PARD3: variants seen among roughly 807,000 people sequenced by gnomAD.
PARD3 encodes the protein par-3 family cell polarity regulator.
In PARD3, 75 loss-of-function variants were observed where a neutral mutation model predicts 155.4. The observed-to-expected ratio is 0.48, with a 90% CI of 0.40 to 0.58. The LOEUF is 0.58. Ranked by LOEUF, PARD3 falls within the 20% of genes least tolerant of loss-of-function variation. PARD3 has a pLI of 0.00. For synonymous variants in PARD3, 576 were observed against 610.5 expected (o/e 0.94, Z 0.83); for missense variants, 1,642 against 1,721.7 (o/e 0.95, Z 0.82).
intron 20 of PARD3, among the ~76,000 whole-genome samples, chr10:34,316,004 C>T (rs1443053458): frequency 2.6e-5 from 4 of 152,188 alleles, no homozygotes; most frequent in African/African-American, 9.7e-5. Context: ...GCCATGGTTC[C>T]TCGACTTTCC....
At chr10:34,751,444 G>A (rs1836020444) in intron 1 of PARD3, among the ~76,000 whole-genome samples, 2 of 152,160 alleles carry the variant, frequency 1.3e-5, no homozygotes, top group African/African-American at 4.8e-5. Flanking sequence ...ATCTATTGCA[G>A]GAGCTGGCAC....
chr10:34,550,961 T>G (rs1179836910), intron 2 of PARD3, among the ~76,000 whole-genome samples: 1 of 152,212 alleles, frequency 6.6e-6, no homozygotes, highest in Non-Finnish European at 1.5e-5. Context: ...GAACTCCACT[T>G]ACGCAGGTCA....
At chr10:34,452,744 C>T (rs1357184492) in intron 4 of PARD3, among the ~76,000 whole-genome samples, 1 of 152,132 alleles carries the variant, frequency 6.6e-6, no homozygotes. Context: ...GTCACGAAAA[C>T]GAAACTGTTT....
intron 1 of PARD3, among the ~76,000 whole-genome samples, chr10:34,792,938 T>C (rs1841843811): frequency 6.6e-6 from 1 of 152,246 alleles, no homozygotes; most frequent in Admixed American, 6.5e-5. Flanking sequence ...TGTACAGTGA[T>C]TCTTTATATA....
At chr10:34,336,060 A>G (rs1836145458) in intron 18 of PARD3, 139 bp downstream of exon 18, 3 of 600,424 alleles carry the variant, frequency 5.0e-6, no homozygotes, top group Admixed American at 3.1e-5. Context: ...TTCTTATGTA[A>G]TTCAATTTCT....
chr10:34,700,900 G>A (rs2094262466), intron 1 of PARD3, among the ~76,000 whole-genome samples: 1 of 152,070 alleles, frequency 6.6e-6, no homozygotes, highest in Non-Finnish European at 1.5e-5. Flanking sequence ...ACTTGAACCT[G>A]GGAGGCGGAG....
intron 22 of PARD3, among the ~76,000 whole-genome samples, chr10:34,248,018 T>A (rs1954070203): frequency 6.6e-6 from 1 of 152,210 alleles, no homozygotes; most frequent in African/African-American, 2.4e-5. Flanking sequence ...ACTAGGTACA[T>A]TCCTTTCTAG....
In PARD3 at chr10:34,457,255, G is replaced by A. The variant is rs182050146; in HGVS notation, c.583-6807C>T. Among the ~76,000 whole-genome samples, 174 of 152,286 alleles carry A rather than the reference G, an allele frequency of 1.1e-3. 2 individuals are homozygous for A. Among genetic ancestry groups the A allele is most frequent in the African/African-American group, 3.2e-3 (134 of 41,544 alleles). On this transcript the variant is annotated intron_variant, in intron 4 of 24. Coordinates refer to ENST00000374788, the MANE Select transcript of PARD3 (RefSeq NM_001184785.2). Reference sequence around the variant, plus strand: ...CAGGTCTGATCAAACTAAAACGGGCGCGGATTTCTCTGAAGCCACTGGATC... The same window carrying A: ...CAGGTCTGATCAAACTAAAACGGGCACGGATTTCTCTGAAGCCACTGGATC...
chr10:34,592,309 G>A (rs2088781254), intron 2 of PARD3, among the ~76,000 whole-genome samples: 1 of 152,132 alleles, frequency 6.6e-6, no homozygotes, highest in South Asian at 2.1e-4. Context: ...AATCACCTGG[G>A]ACACTAATTT....
intron 16 of PARD3, 49 bp from the exon 17 acceptor site, chr10:34,337,475 G>A (rs373699922): frequency 2.3e-5 from 31 of 1,319,986 alleles, no homozygotes; most frequent in African/African-American, 1.7e-4. Context: ...AAAATAGCAC[G>A]CATCCATTTT....
chr10:34,809,253 G>T (rs1445052549), intron 1 of PARD3, among the ~76,000 whole-genome samples: 1 of 152,190 alleles, frequency 6.6e-6, no homozygotes, highest in Non-Finnish European at 1.5e-5. Context: ...TTGATTCTCA[G>T]CTTTCTATTT....
At chr10:34,798,590 A>G (rs1485570898) in intron 1 of PARD3, among the ~76,000 whole-genome samples, 1 of 151,464 alleles carries the variant, frequency 6.6e-6, no homozygotes, top group Admixed American at 6.6e-5. Flanking sequence ...CTGTAACCCG[A>G]GCCGCTCAGG....
chr10:34,196,068 C>T (rs1950918381), intron 22 of PARD3, among the ~76,000 whole-genome samples: 1 of 152,098 alleles, frequency 6.6e-6, no homozygotes, highest in South Asian at 2.1e-4. Context: ...CTTTCTTAGC[C>T]CAATTATTCA....
At chr10:34,145,083 C>T (rs189090258) in intron 22 of PARD3, among the ~76,000 whole-genome samples, 3 of 151,174 alleles carry the variant, frequency 2.0e-5, no homozygotes, top group East Asian at 1.9e-4. Context: ...CAAAACATTA[C>T]CCTTCAATAT....
chr10:34,684,814 CACACACACACACACACATATAT>C (rs1479926901), intron 2 of PARD3, among the ~76,000 whole-genome samples: 2 of 121,424 alleles, frequency 1.6e-5, no homozygotes, highest in Admixed American at 1.6e-4. Context: ...CACACACACA[CACACACACACACACACATATAT>C]ACACACACAC....
chr10:34,128,566 G>A (rs1247246500), intron 23 of PARD3, among the ~76,000 whole-genome samples: 4 of 152,084 alleles, frequency 2.6e-5, no homozygotes. Context: ...AGTTGCATGG[G>A]GATTTCTGAT....
intron 1 of PARD3, among the ~76,000 whole-genome samples, chr10:34,756,517 A>G (rs538672687): frequency 1.5e-5 from 2 of 129,798 alleles, no homozygotes; most frequent in South Asian, 5.3e-4. Flanking sequence ...TCTGTTGCCT[A>G]GGCTGTGGCG....
Position 34,477,434 on chromosome 10 carries a change from T to C in PARD3, c.404-7171A>G, listed in dbSNP as rs1177038199. Among the ~76,000 whole-genome samples, 3 of 152,200 alleles carry C rather than the reference T, an allele frequency of 2.0e-5. No homozygotes were observed. The East Asian group carries it at 5.8e-4, about 29-fold the overall frequency. On this transcript the variant is annotated intron_variant, in intron 3 of 24. Transcript: ENST00000374788. The stretch of plus-strand genomic sequence containing the variant: ...GGTCCAGAATGAGGGTGGAGACTGT[T>C]TGATGTGTACACTGCTTTGAAGAGG...
At chr10:34,398,291 AT>A (rs1172139049) in intron 7 of PARD3, among the ~76,000 whole-genome samples, 1 of 152,198 alleles carries the variant, frequency 6.6e-6, no homozygotes, top group African/African-American at 2.4e-5. Flanking sequence ...ATTTAAAAAA[AT>A]AAAATGCATA....
Sources: allele counts gnomAD v4.1 joint callset (sites outside exome capture counted in the v4.1 genomes callset), GRCh38; gene constraint gnomAD v4.1.1; transcripts MANE v1.5; gene names NCBI Gene and HGNC (gene_info 2026-07-23, HGNC 2026-07-21).